The following PRKDC variants were observed in gnomAD, a reference collection of about 807,000 sequenced individuals.
PRKDC encodes DNA-dependent protein kinase catalytic subunit.
Under a neutral mutation model 486.9 loss-of-function variants are expected in PRKDC, and 82 were observed. The ratio of observed to expected loss-of-function variants is 0.17; its 90% CI spans 0.14 to 0.20. PRKDC has a LOEUF of 0.20. PRKDC is among the 10% of genes least tolerant of loss of function. The probability of loss-of-function intolerance (pLI) is 1.00; values close to 1 mark genes in which losing one functional copy is unlikely to be tolerated. For synonymous variants in PRKDC, 1,895 were observed against 1,837.0 expected, an observed-to-expected ratio of 1.03 and a Z score of -0.81; for missense variants, 4,504 against 5,038.2, an observed-to-expected ratio of 0.89 and a Z score of 3.21.
intron 66 of PRKDC, 28 bp downstream of exon 66, chr8:47,820,691 A>T: frequency 8.8e-7 from 1 of 1,133,802 alleles, no homozygotes. Flanking sequence ...TATATATACA[A>T]GCATATATAT....
intron 21 of PRKDC, among the ~76,000 whole-genome samples, chr8:47,918,918 G>A (rs2090030888): frequency 6.6e-6 from 1 of 151,980 alleles, no homozygotes; most frequent in Non-Finnish European, 1.5e-5. Flanking sequence ...AGCTTGATGA[G>A]GAACAAGACT....
At chr8:47,928,186 C>T (rs892652053) in intron 19 of PRKDC, among the ~76,000 whole-genome samples, 3 of 137,960 alleles carry the variant, frequency 2.2e-5, no homozygotes, top group Middle Eastern at 4.9e-3. Flanking sequence ...AAGATAGAGT[C>T]GTGCTGTCAG....
Position 47,955,548 on chromosome 8 carries a change from T to G in PRKDC, c.399+326A>C, listed in dbSNP as rs540877111. ...TAGGAAAAACCTCAGAGATATAAGG[T>G]GATCTTTCAGCAATTCCTAATAGCA... On this transcript the variant is annotated intron_variant, in intron 4 of 85. Coordinates refer to ENST00000314191, the MANE Select transcript of PRKDC (RefSeq NM_006904.7). 2.6e-5 allele frequency among the ~76,000 whole-genome samples: 4 copies of G among 150,960 alleles called. No homozygotes were observed. In the East Asian group the frequency reaches 7.8e-4, roughly 29 times the overall value.
chr8:47,889,311 CCTGA>C (rs1156680056), intron 32 of PRKDC, 89 bp from the exon 33 acceptor site: 13 of 1,152,070 alleles, frequency 1.1e-5, no homozygotes, highest in Non-Finnish European at 1.4e-5. Context: ...GGAACTTCTG[CCTGA>C]CTAAGGGAGA....
Position 47,777,808 on chromosome 8 carries a change from T to G in PRKDC, c.11920A>C (p.Met3974Leu). Residue 3974 changes from methionine (M) to leucine (L), a missense_variant, in exon 84 of 86, where the codon ATG (methionine) becomes CTG (leucine). By Grantham distance (15) the Met-to-Leu change is conservative (BLOSUM62 2). This residue lies in a region of PRKDC where 706 missense variants were observed against 945.0 expected (regional missense o/e 0.75). Coordinates refer to ENST00000314191, the MANE Select transcript of PRKDC (RefSeq NM_006904.7). ...CTGTACATAAGGCCCGTTTCTTTCA[T>G]TGGTAACATCAGATTGATAAACTGG... ...TRQFINLMLP[M>L]KETGLMYSIM... 1 of 1,613,996 alleles carries G rather than the reference T, an allele frequency of 6.2e-7. No individual in the cohort carries two copies. The highest frequency in any genetic ancestry group is 8.5e-7 in the Non-Finnish European group (1 of 1,179,900).
intron 40 of PRKDC, among the ~76,000 whole-genome samples, chr8:47,867,181 T>C (rs75611423): frequency 3.9e-5 from 6 of 152,246 alleles, no homozygotes; most frequent in Non-Finnish European, 5.9e-5. Context: ...GATTTCTATA[T>C]GCTGATAGGG....
chr8:47,916,544 A>C (rs955457384), intron 22 of PRKDC, among the ~76,000 whole-genome samples: 4 of 152,230 alleles, frequency 2.6e-5, no homozygotes, highest in African/African-American at 9.6e-5. Flanking sequence ...TATCATTGGC[A>C]ACAGATTTTC....
At chr8:47,919,380 G>A (rs1203565648) in intron 21 of PRKDC, among the ~76,000 whole-genome samples, 7 of 152,172 alleles carry the variant, frequency 4.6e-5, no homozygotes, top group African/African-American at 1.4e-4. Context: ...CAGGTTATGG[G>A]AACCAGTTGT....
At chr8:47,955,826 A>G (rs1202276025) in intron 4 of PRKDC, 48 bp downstream of exon 4, 7 of 1,424,748 alleles carry the variant, frequency 4.9e-6, no homozygotes, top group Non-Finnish European at 6.8e-6. Context: ...TTTTCTTTTA[A>G]AAGTTACATG....
chr8:47,834,941 C>T (rs1398660605), intron 58 of PRKDC, among the ~76,000 whole-genome samples: 5 of 152,106 alleles, frequency 3.3e-5, no homozygotes, highest in African/African-American at 9.7e-5. Flanking sequence ...CCGCCCGCCT[C>T]GGCCGCCCAA....
At chr8:47,779,935 G>C (rs1488726386) in intron 80 of PRKDC, among the ~76,000 whole-genome samples, 1 of 102,658 alleles carries the variant, frequency 9.7e-6, no homozygotes, top group Admixed American at 1.2e-4. Flanking sequence ...TTTTTTTTGA[G>C]ACAGAGTCTT....
chr8:47,888,742 C>A, intron 33 of PRKDC, 92 bp from the exon 34 acceptor site: 1 of 1,427,306 alleles, frequency 7.0e-7, no homozygotes, highest in Non-Finnish European at 9.3e-7. Flanking sequence ...TGTTATGAAG[C>A]AAACAGAGGC....
intron 27 of PRKDC, among the ~76,000 whole-genome samples, chr8:47,900,806 G>C (rs1241417557): frequency 6.6e-6 from 1 of 151,194 alleles, no homozygotes; most frequent in African/African-American, 2.4e-5. Context: ...CCGAGATCCT[G>C]CCACTGCACT....
At chr8:47,959,260 T>C (rs2154504821) in intron 1 of PRKDC, 1 of 152,290 alleles carries the variant, frequency 6.6e-6, no homozygotes, top group South Asian at 2.1e-4. Flanking sequence ...CACCCAGGCA[T>C]TGCTAAAGAG....
At chr8:47,862,328 T>C in intron 43 of PRKDC, 45 bp downstream of exon 43, 1 of 1,552,596 alleles carries the variant, frequency 6.4e-7, no homozygotes, top group Non-Finnish European at 8.8e-7. Context: ...ATCTAACTTT[T>C]GAACTCCTAC....
chr8:47,959,828 C>T (rs1299713736), intron 1 of PRKDC, 145 bp downstream of exon 1: 2 of 1,376,550 alleles, frequency 1.5e-6, no homozygotes, highest in South Asian at 1.5e-5. Context: ...TCCCTTTATA[C>T]ACATACACAG....
At chr8:47,907,369 T>C (rs2089804985) in intron 25 of PRKDC, among the ~76,000 whole-genome samples, 1 of 150,112 alleles carries the variant, frequency 6.7e-6, no homozygotes, top group Non-Finnish European at 1.5e-5. Context: ...TCTTAGTACA[T>C]AAGTTTTTTA....
intron 20 of PRKDC, 95 bp from the exon 21 acceptor site, chr8:47,927,448 C>A: frequency 7.4e-7 from 1 of 1,359,248 alleles, no homozygotes; most frequent in South Asian, 1.4e-5. Flanking sequence ...AATTAATACT[C>A]CTTTTTATTA....
At chr8:47,774,529 G>A (rs970775507) in intron 85 of PRKDC, among the ~76,000 whole-genome samples, 152 bp from the exon 86 acceptor site, 3 of 152,196 alleles carry the variant, frequency 2.0e-5, no homozygotes, top group African/African-American at 7.2e-5. Context: ...GACTGGATTT[G>A]TAGGAAAACA....
Sources: gnomAD v4.1 joint callset for allele counts (sites outside exome capture counted in the v4.1 genomes callset) on GRCh38, gnomAD v4.1.1 for gene constraint, gnomAD v4.1.1 regional missense constraint, MANE v1.5 for transcripts, NCBI Gene and HGNC (gene_info 2026-07-23, HGNC 2026-07-21) for gene names.